EFNB2: variants seen among roughly 807,000 people sequenced by gnomAD.
EFNB2 encodes the protein ephrin B2.
EFNB2 carries 5 observed loss-of-function variants against 32.1 expected under a neutral mutation model. That is an observed-to-expected ratio of 0.16 (90% CI 0.08 to 0.33). The LOEUF (loss-of-function observed/expected upper bound fraction) is 0.33. Ranked by LOEUF, EFNB2 falls within the 10% of genes least tolerant of loss-of-function variation. The pLI, the probability that EFNB2 is intolerant of heterozygous loss-of-function variation, is 1.00. For missense variants in EFNB2, 263 were observed against 422.6 expected (o/e 0.62, Z 3.31); for synonymous variants, 168 against 166.5 (o/e 1.01, Z -0.07).
At chr13:106,506,146 A>G (rs1327056967) in intron 2 of EFNB2, 4 of 152,248 alleles carry the variant, frequency 2.6e-5, no homozygotes, top group Non-Finnish European at 5.9e-5. Flanking sequence ...AGGAGTTCAC[A>G]TGATGTTCAG....
At chr13:106,511,157 C>A (rs957876705) in intron 2 of EFNB2, among the ~76,000 whole-genome samples, 1 of 152,194 alleles carries the variant, frequency 6.6e-6, no homozygotes, top group African/African-American at 2.4e-5. Flanking sequence ...CCCCATCTAC[C>A]TGTTTCATTT....
intron 2 of EFNB2, chr13:106,509,874 T>C (rs1171663085): frequency 1.3e-5 from 2 of 152,204 alleles, no homozygotes. Context: ...TTGGCTTCTA[T>C]ATTTTCCCAA....
chr13:106,510,017 C>T (rs1260398608), intron 2 of EFNB2: 1 of 152,180 alleles, frequency 6.6e-6, no homozygotes, highest in African/African-American at 2.4e-5. Flanking sequence ...TCCCCCAAAG[C>T]AACATTCAAA....
intron 2 of EFNB2, among the ~76,000 whole-genome samples, chr13:106,502,877 G>A (rs949316178): frequency 5.9e-5 from 9 of 152,108 alleles, no homozygotes; most frequent in African/African-American, 1.4e-4. Context: ...ACATGTGTGC[G>A]TGTCTACATG....
intron 1 of EFNB2, chr13:106,520,399 G>C (rs1185584264): frequency 1.3e-5 from 2 of 152,210 alleles, no homozygotes; most frequent in Non-Finnish European, 2.9e-5. Context: ...GATGCACGCT[G>C]CTCTGGATAA....
chr13:106,505,127 C>T (rs1878907903), intron 2 of EFNB2, among the ~76,000 whole-genome samples: 1 of 152,252 alleles, frequency 6.6e-6, no homozygotes, highest in East Asian at 1.9e-4. Context: ...TATGACAAAG[C>T]GTCAGTACCA....
chr13:106,512,944 G>T, intron 1 of EFNB2, 132 bp from the exon 2 acceptor site: 1 of 753,126 alleles, frequency 1.3e-6, no homozygotes, highest in South Asian at 2.7e-5. Flanking sequence ...TTTATCAAAA[G>T]TCTCTTACTT....
In EFNB2 at chr13:106,522,865, G is replaced by T. The variant is rs149483161; in HGVS notation, c.123-10053C>A. ...GACCCTCCCTCTGACCCCCGACCAGGTACCTTGCATAAATAGGGTGCTCAA... is the reference window on the plus strand; with the variant it reads ...GACCCTCCCTCTGACCCCCGACCAGTTACCTTGCATAAATAGGGTGCTCAA... On this transcript the variant is annotated intron_variant, in intron 1 of 4. Transcript: ENST00000646441. 9.2e-3 allele frequency among the ~76,000 whole-genome samples: 1,394 copies of T among 152,246 alleles called. 23 individuals are homozygous for T. The highest frequency in any genetic ancestry group is 0.031 in the African/African-American group (1,296 of 41,536).
chr13:106,513,740 AAC>A (rs1879222971), intron 1 of EFNB2, among the ~76,000 whole-genome samples: 1 of 124,624 alleles, frequency 8.0e-6, no homozygotes, highest in African/African-American at 3.1e-5. Context: ...TAACACTAAC[AAC>A]ACACTTAGAA....
chr13:106,497,579 T>C (rs1221157766), intron 2 of EFNB2, among the ~76,000 whole-genome samples: 2 of 152,312 alleles, frequency 1.3e-5, no homozygotes, highest in Middle Eastern at 3.4e-3. Context: ...CTAGGGTACA[T>C]GTGCACAACG....
chr13:106,516,940 T>C (rs913634592), intron 1 of EFNB2: 2 of 152,232 alleles, frequency 1.3e-5, no homozygotes, highest in Non-Finnish European at 2.9e-5. Flanking sequence ...AGTTTCCTAA[T>C]AGTATCATTT....
In EFNB2 at chr13:106,489,759, A is replaced by C. The variant is rs1443582521; in HGVS notation, c.*3281T>G. The stretch of plus-strand genomic sequence containing the variant: ...TTTGAAGGCACTTTTTCCATAGGAA[A>C]AAAATATTTTATTTTTTTAAGAACA... On this transcript the variant is annotated 3_prime_UTR_variant, in exon 5 of 5. Transcript: ENST00000646441. 1 of 152,656 alleles carries C rather than the reference A, an allele frequency of 6.6e-6. No individual in the cohort carries two copies. Among genetic ancestry groups the C allele is most frequent in the Non-Finnish European group, 1.5e-5 (1 of 68,040 alleles). 9.5% of individuals were successfully genotyped at this position (152,656 alleles called of 1,614,324 possible). A position where few individuals can be genotyped will look rare whatever the true frequency, so the allele number is the denominator to read the frequency against.
intron 1 of EFNB2, 23 bp downstream of exon 1, chr13:106,534,820 G>C (rs1406437233): frequency 6.2e-7 from 1 of 1,605,182 alleles, no homozygotes; most frequent in South Asian, 1.1e-5. Context: ...CGGGGACATA[G>C]GGGGATCGCG....
In EFNB2 at chr13:106,535,568, C is replaced by G. The variant is rs1348759642; in HGVS notation, c.-604G>C. ...GTCCCCGCCGCGGGCTCCGGACGCG[C>G]GCGGGCCTTTGTGTGCGGGGAGGGC... On this transcript the variant is annotated 5_prime_UTR_variant, in exon 1 of 5. Coordinates refer to ENST00000646441, the MANE Select transcript of EFNB2 (RefSeq NM_004093.4). 4.0e-5 allele frequency: 6 copies of G among 150,198 alleles called. No individual in the cohort carries two copies. 9.3% of individuals were successfully genotyped at this position (150,198 alleles called of 1,614,324 possible).
At chr13:106,499,117 C>T (rs764612830) in intron 2 of EFNB2, among the ~76,000 whole-genome samples, 6 of 152,020 alleles carry the variant, frequency 3.9e-5, no homozygotes, top group Non-Finnish European at 8.8e-5. Flanking sequence ...ACAAGTATAA[C>T]GTAATTCAAA....
chr13:106,529,100 C>T (rs879653125), intron 1 of EFNB2, among the ~76,000 whole-genome samples: 1 of 152,124 alleles, frequency 6.6e-6, no homozygotes, highest in Admixed American at 6.5e-5. Flanking sequence ...CACAGAAGAG[C>T]TCTGTGGCTG....
chr13:106,532,339 C>A (rs1292403967), intron 1 of EFNB2, among the ~76,000 whole-genome samples: 1 of 152,152 alleles, frequency 6.6e-6, no homozygotes, highest in Non-Finnish European at 1.5e-5. Flanking sequence ...AAAAAGCTGA[C>A]CTCTGAATGA....
rs898983724 is a variant in EFNB2 at position 106,491,204 on chromosome 13, G to C, written c.*1836C>G. 6.6e-6 allele frequency: 1 copy of C among 152,530 alleles called. No homozygotes were observed. The highest frequency in any genetic ancestry group is 1.5e-5 in the Non-Finnish European group (1 of 68,052). The allele number at this position is 152,530 out of a possible 1,614,324, so 9.4% of individuals were successfully genotyped here. A position where few individuals can be genotyped will look rare whatever the true frequency, so the allele number is the denominator to read the frequency against. On this transcript the variant is annotated 3_prime_UTR_variant, in exon 5 of 5. Transcript: ENST00000646441. ...AAAACCCAACGCAGAAATAAACGCC[G>C]GAACATCTTGTCATTGTTAAATATA...
In EFNB2 at chr13:106,492,209, A is replaced by G. The variant is rs1420139205; in HGVS notation, c.*831T>C. On this transcript the variant is annotated 3_prime_UTR_variant, in exon 5 of 5. Transcript: ENST00000646441. This position sits in a 1 kb window ranked among gnomAD's most constrained non-coding sequence, Gnocchi z 5.1. ...TGGCCTCTTCGATCTCAGCAAAACCAAAGTGCTGTGCTACCTAATTGCTTT... is the reference window on the plus strand; with the variant it reads ...TGGCCTCTTCGATCTCAGCAAAACCGAAGTGCTGTGCTACCTAATTGCTTT... 6.5e-6 allele frequency: 1 copy of G among 152,724 alleles called. No homozygotes were observed. The highest frequency in any genetic ancestry group is 2.4e-5 in the African/African-American group (1 of 41,452). 9.5% of individuals were successfully genotyped at this position (152,724 alleles called of 1,614,324 possible).
Sources: gnomAD v4.1 joint callset for allele counts (sites outside exome capture counted in the v4.1 genomes callset) on GRCh38, gnomAD v4.1.1 for gene constraint, Gnocchi (gnomAD v3.1) non-coding constraint, MANE v1.5 for transcripts, NCBI Gene and HGNC (gene_info 2026-07-23, HGNC 2026-07-21) for gene names.